TMEFF2: variants seen among roughly 807,000 people sequenced by gnomAD.
The protein encoded by TMEFF2 is tomoregulin-2.
A neutral mutation model predicts 53.8 loss-of-function variants in TMEFF2; 28 were observed. The observed-to-expected ratio is 0.52, with a 90% CI of 0.39 to 0.71. The LOEUF (loss-of-function observed/expected upper bound fraction) is 0.71. Ranked by LOEUF, TMEFF2 falls within the 30% of genes least tolerant of loss-of-function variation. The pLI, the probability that TMEFF2 is intolerant of heterozygous loss-of-function variation, is 0.00. For synonymous variants in TMEFF2, 162 were observed against 166.3 expected (o/e 0.97, Z 0.20); for missense variants, 353 against 455.2 (o/e 0.78, Z 2.04).
At chr2:192,184,743 C>G (rs1418241912) in intron 2 of TMEFF2, among the ~76,000 whole-genome samples, 2 of 151,880 alleles carry the variant, frequency 1.3e-5, no homozygotes, top group African/African-American at 2.4e-5. Flanking sequence ...AGTGACTGGA[C>G]AAGTAGCACA....
chr2:192,094,814 A>C (rs1688866831), intron 4 of TMEFF2, among the ~76,000 whole-genome samples: 1 of 152,170 alleles, frequency 6.6e-6, no homozygotes, highest in Admixed American at 6.6e-5. Flanking sequence ...CTTAAGAATT[A>C]TTACACTTTC....
intron 4 of TMEFF2, among the ~76,000 whole-genome samples, chr2:192,060,701 T>C (rs2105906296): frequency 6.6e-6 from 1 of 152,294 alleles, no homozygotes; most frequent in South Asian, 2.1e-4. Flanking sequence ...TTCTTTCTCT[T>C]CTTTCTACAT....
chr2:192,095,781 A>T (rs1688888864), intron 4 of TMEFF2, among the ~76,000 whole-genome samples: 1 of 152,196 alleles, frequency 6.6e-6, no homozygotes, highest in African/African-American at 2.4e-5. Context: ...AGCTTTTAGT[A>T]ACTTACTTTA....
chr2:191,995,150 T>C (rs967487833), intron 7 of TMEFF2, among the ~76,000 whole-genome samples: 2 of 152,010 alleles, frequency 1.3e-5, no homozygotes, highest in Admixed American at 6.6e-5. Flanking sequence ...TTTTGGTAAT[T>C]CACCTCCTGC....
chr2:192,143,973 G>A (rs915916370), intron 4 of TMEFF2, among the ~76,000 whole-genome samples: 1 of 152,054 alleles, frequency 6.6e-6, no homozygotes, highest in Admixed American at 6.6e-5. Context: ...TATTAGCTAT[G>A]TGTTCATTCA....
intron 4 of TMEFF2, among the ~76,000 whole-genome samples, chr2:192,154,270 G>T (rs1690454807): frequency 6.6e-6 from 1 of 151,902 alleles, no homozygotes; most frequent in African/African-American, 2.4e-5. Context: ...TGTAACACTG[G>T]GTACAACTCT....
At chr2:192,018,464 C>T (rs79913476) in intron 5 of TMEFF2, among the ~76,000 whole-genome samples, 556 of 152,246 alleles carry the variant, frequency 3.7e-3, no homozygotes, top group Non-Finnish European at 4.9e-3. Flanking sequence ...CTTATTCATA[C>T]GCTTTAATCA....
intron 5 of TMEFF2, among the ~76,000 whole-genome samples, chr2:192,007,254 C>T (rs1686520388): frequency 6.6e-6 from 1 of 152,192 alleles, no homozygotes; most frequent in South Asian, 2.1e-4. Flanking sequence ...TGATTAAACA[C>T]ACTGATCTAA....
intron 4 of TMEFF2, among the ~76,000 whole-genome samples, chr2:192,120,386 C>T (rs1283821419): frequency 1.3e-5 from 2 of 152,186 alleles, no homozygotes; most frequent in Non-Finnish European, 2.9e-5. Flanking sequence ...TCAAACCCCA[C>T]CCCACAGTGA....
chr2:192,015,308 CTTTTTTTTTTTTT>C (rs34696715), intron 5 of TMEFF2, among the ~76,000 whole-genome samples: 1 of 76,272 alleles, frequency 1.3e-5, no homozygotes, highest in Non-Finnish European at 2.3e-5. Context: ...ATCACTGAAG[CTTTTTTTTTTTTT>C]TTTTTTTTTT....
chr2:192,074,579 G>A (rs181093166), intron 4 of TMEFF2, among the ~76,000 whole-genome samples: 9 of 151,810 alleles, frequency 5.9e-5, no homozygotes, highest in Non-Finnish European at 1.2e-4. Context: ...TTTCCAACAC[G>A]GAAGCTAGTA....
chr2:192,190,548 G>A (rs1051667237), intron 2 of TMEFF2, among the ~76,000 whole-genome samples: 8 of 152,196 alleles, frequency 5.3e-5, no homozygotes, highest in African/African-American at 1.7e-4. Context: ...AGAAGTTGAC[G>A]TTACATGCAT....
At chr2:192,184,824 TG>T (rs1416195800) in intron 2 of TMEFF2, among the ~76,000 whole-genome samples, 2 of 152,090 alleles carry the variant, frequency 1.3e-5, no homozygotes, top group African/African-American at 4.8e-5. Flanking sequence ...TATGACTTGA[TG>T]GAAAAAATTA....
intron 4 of TMEFF2, among the ~76,000 whole-genome samples, chr2:192,121,756 A>G (rs1689559444): frequency 6.6e-6 from 1 of 152,186 alleles, no homozygotes; most frequent in African/African-American, 2.4e-5. Context: ...GAACAGTAAC[A>G]CAATCAAATT....
intron 4 of TMEFF2, chr2:192,179,038 C>G (rs1172145077): frequency 1.3e-5 from 2 of 149,220 alleles, no homozygotes; most frequent in East Asian, 3.9e-4. Context: ...TAAAGTTTCT[C>G]TCTCTCTCTC....
At chr2:191,980,679 T>G (rs1685833525) in intron 7 of TMEFF2, among the ~76,000 whole-genome samples, 1 of 152,152 alleles carries the variant, frequency 6.6e-6, no homozygotes, top group Non-Finnish European at 1.5e-5. Context: ...GGTTACCACA[T>G]AATCATTTCC....
At chr2:192,165,980 T>C (rs1270047711) in intron 4 of TMEFF2, among the ~76,000 whole-genome samples, 2 of 152,190 alleles carry the variant, frequency 1.3e-5, no homozygotes, top group Admixed American at 1.3e-4. Context: ...CTTTCATACA[T>C]TCATTTGCCC....
intron 5 of TMEFF2, among the ~76,000 whole-genome samples, chr2:192,040,743 A>T (rs193005848): frequency 1.1e-4 from 16 of 152,286 alleles, no homozygotes; most frequent in Admixed American, 5.2e-4. Context: ...TTTACATATG[A>T]GAAAATGAAG....
intron 4 of TMEFF2, among the ~76,000 whole-genome samples, chr2:192,139,298 G>A (rs1690082909): frequency 6.6e-6 from 1 of 152,170 alleles, no homozygotes; most frequent in Non-Finnish European, 1.5e-5. Flanking sequence ...ATCATCGCTT[G>A]GGAACAATGA....
Sources: gnomAD v4.1 joint callset for allele counts (sites outside exome capture counted in the v4.1 genomes callset) on GRCh38, gnomAD v4.1.1 for gene constraint, MANE v1.5 for transcripts, NCBI Gene and HGNC (gene_info 2026-07-23, HGNC 2026-07-21) for gene names.